The following FLVCR1 variants were observed in gnomAD, a reference collection of about 807,000 sequenced individuals.
FLVCR1 encodes FLVCR choline and heme transporter 1.
In FLVCR1, 34 loss-of-function variants were observed where a neutral mutation model predicts 53.6. That is an observed-to-expected ratio of 0.63 (90% CI 0.48 to 0.84). The LOEUF (loss-of-function observed/expected upper bound fraction) is 0.84. Ranked by LOEUF, FLVCR1 falls within the 40% of genes least tolerant of loss-of-function variation. FLVCR1 has a pLI of 0.00. For missense variants in FLVCR1, 677 were observed against 696.7 expected (o/e 0.97, Z 0.32); for synonymous variants, 300 against 286.3 (o/e 1.05, Z -0.48).
chr1:212,888,115 C>G, intron 6 of FLVCR1, 114 bp downstream of exon 6: 2 of 697,978 alleles, frequency 2.9e-6, no homozygotes, highest in Admixed American at 2.5e-5. Flanking sequence ...ATATTTTAAA[C>G]TTTAAAGGAT....
At chr1:212,878,130 C>T (rs1028075074) in intron 3 of FLVCR1, among the ~76,000 whole-genome samples, 2 of 151,972 alleles carry the variant, frequency 1.3e-5, no homozygotes, top group Admixed American at 6.6e-5. Flanking sequence ...CATTAGAGAC[C>T]GTATGTCCTA....
intron 8 of FLVCR1, among the ~76,000 whole-genome samples, chr1:212,892,892 A>T (rs184017276): frequency 1.2e-3 from 186 of 152,238 alleles, no homozygotes; most frequent in Middle Eastern, 3.4e-3. Context: ...GAGGAAGTTA[A>T]TTCCCATTCT....
At chr1:212,886,039 G>GTTTTTTTTTTTTTTTTTTTTTTT (rs1477656980) in intron 5 of FLVCR1, among the ~76,000 whole-genome samples, 1 of 66,306 alleles carries the variant, frequency 1.5e-5, no homozygotes, top group African/African-American at 5.7e-5. Context: ...ACTTTATCTT[G>GTTTTTTTTTTTTTTTTTTTTTTT]TTCTTTTTTT....
chr1:212,891,656 G>C (rs1455953869), intron 8 of FLVCR1, among the ~76,000 whole-genome samples: 1 of 152,034 alleles, frequency 6.6e-6, no homozygotes, highest in Non-Finnish European at 1.5e-5. Flanking sequence ...ATTGAAATCA[G>C]GGCCCTGATT....
intron 4 of FLVCR1, among the ~76,000 whole-genome samples, chr1:212,884,944 T>G (rs948587002): frequency 5.9e-5 from 9 of 152,236 alleles, no homozygotes; most frequent in African/African-American, 2.2e-4. Flanking sequence ...AGGATCATAC[T>G]GTATATATGA....
rs1468250554 is a variant in FLVCR1 at position 212,897,781 on chromosome 1, A to G, written c.*2491A>G. On this transcript the variant is annotated 3_prime_UTR_variant, in exon 10 of 10. Transcript: ENST00000366971. ...TGAAAACTCACTCATTACTGCAAGG[A>G]CAGCACCAAGCCATGAGGGATCCAC... is the stretch of plus-strand genomic sequence containing the variant. 1 of 152,216 alleles carries G rather than the reference A, an allele frequency of 6.6e-6. No individual in the cohort carries two copies. Among genetic ancestry groups the G allele is most frequent in the East Asian group, 1.9e-4 (1 of 5,200 alleles). The allele number at this position is 152,216 out of a possible 1,614,324, so 9.4% of individuals were successfully genotyped here.
At chr1:212,873,697 T>C (rs1335545385) in intron 3 of FLVCR1, among the ~76,000 whole-genome samples, 1 of 152,252 alleles carries the variant, frequency 6.6e-6, no homozygotes, top group East Asian at 1.9e-4. Flanking sequence ...ACCATTTACA[T>C]GAACACCAGC....
rs1440383588 is a variant in FLVCR1, at chr1:212,858,467, C to T, written c.15C>T (p.Asp5=). 21 of 1,439,950 alleles carry T rather than the reference C, an allele frequency of 1.5e-5. No individual in the cohort carries two copies. In the East Asian group the frequency reaches 5.0e-4, roughly 34 times the overall value. The allele number at this position is 1,439,950 out of a possible 1,614,324, so 89.2% of individuals were successfully genotyped here. The change falls in exon 1 of 10, where the codon GAC becomes GAT. Residue 5 remains aspartate (D), a synonymous_variant. Transcript: ENST00000366971. MARP[D]DEEGAAVAPG... is the part of the protein sequence containing the mutation. ...GAGCCTGGGATATGGCGCGGCCAGA[C>T]GATGAGGAGGGGGCGGCGGTGGCGC...
At chr1:212,888,783 C>T (rs1231939100) in intron 7 of FLVCR1, among the ~76,000 whole-genome samples, 189 bp downstream of exon 7, 4 of 152,144 alleles carry the variant, frequency 2.6e-5, no homozygotes, top group Admixed American at 6.5e-5. Flanking sequence ...CTCCTAGGCT[C>T]AAGCAATCCT....
intron 3 of FLVCR1, 42 bp from the exon 4 acceptor site, chr1:212,883,329 G>A: frequency 9.6e-7 from 1 of 1,042,002 alleles, no homozygotes. Context: ...CTTTATTATT[G>A]TAGGTATCAT....
At chr1:212,861,210 C>G (rs2102531885) in intron 1 of FLVCR1, among the ~76,000 whole-genome samples, 1 of 152,312 alleles carries the variant, frequency 6.6e-6, no homozygotes, top group Middle Eastern at 3.4e-3. Flanking sequence ...CTGCTCTGTG[C>G]AGAACTATGC....
intron 2 of FLVCR1, among the ~76,000 whole-genome samples, chr1:212,866,284 C>A (rs1014920102): frequency 1.3e-5 from 2 of 152,004 alleles, no homozygotes; most frequent in African/African-American, 2.4e-5. Context: ...CGAGCCCGGC[C>A]TTTTTTGTGT....
chr1:212,889,792 G>A (rs1665145783), intron 8 of FLVCR1, among the ~76,000 whole-genome samples: 1 of 151,624 alleles, frequency 6.6e-6, no homozygotes, highest in East Asian at 1.9e-4. Context: ...AAGACCTGGA[G>A]TTGGGAAGAC....
chr1:212,873,034 T>C (rs1664648894), intron 3 of FLVCR1, among the ~76,000 whole-genome samples: 1 of 152,178 alleles, frequency 6.6e-6, no homozygotes, highest in Non-Finnish European at 1.5e-5. Context: ...TGGCCAGGCA[T>C]GATGGCTCAT....
At chr1:212,878,895 A>G (rs1296953609) in intron 3 of FLVCR1, among the ~76,000 whole-genome samples, 1 of 152,026 alleles carries the variant, frequency 6.6e-6, no homozygotes, top group Non-Finnish European at 1.5e-5. Flanking sequence ...GGGCTGAGAT[A>G]GGAGGATTGC....
rs1220349437 is a variant in FLVCR1, at chr1:212,858,627, G to T, written c.175G>T (p.Ala59Ser). The change falls in exon 1 of 10, where the codon GCC becomes TCC. Residue 59 changes from alanine (A) to serine (S), a missense_variant. By Grantham distance (99) the Ala-to-Ser change is moderately conservative (BLOSUM62 1). Transcript: ENST00000366971. ...TGGGGCCCCCCGGGACAGCCTCGCT[G>T]CCGCCTCGGGAGTTCTGGGCGGGCC... ...VNGAPRDSLAAASGVLGGPQT... is the reference protein window; with the variant it reads ...VNGAPRDSLASASGVLGGPQT... 2 of 1,532,032 alleles carry T rather than the reference G, an allele frequency of 1.3e-6. No homozygotes were observed. The highest frequency in any genetic ancestry group is 2.5e-5 in the East Asian group (1 of 40,670). 94.9% of individuals were successfully genotyped at this position (1,532,032 alleles called of 1,614,324 possible).
In FLVCR1 at chr1:212,858,539, GC is replaced by G. The variant is rs34019267; in HGVS notation, c.90del (p.Val31LeufsTer19). On this transcript the variant is annotated frameshift_variant, in exon 1 of 10. Transcript: ENST00000366971. LOFTEE classifies it high-confidence loss of function. The stretch of plus-strand genomic sequence containing the variant: ...GATACCTCCCGTTGCCGAGGGGCGC[GC>G]CCGTTGGGAAGGAGAGCGTGGAGCT... ...KGYLPLPRGA[P>X]VGKESVELQN... The G allele has an allele frequency of 6.8e-7, 1 of 1,463,418 alleles. No homozygotes were observed. The allele number at this position is 1,463,418 out of a possible 1,614,324, so 90.7% of individuals were successfully genotyped here.
At chr1:212,885,472 C>A (rs41300947) in intron 5 of FLVCR1, 76 bp downstream of exon 5, 7 of 1,047,486 alleles carry the variant, frequency 6.7e-6, no homozygotes, top group East Asian at 6.2e-5. Context: ...CTTTTTATTT[C>A]AAGAAATTTA....
At chr1:212,885,419 A>C (rs775139493) in intron 5 of FLVCR1, 23 bp downstream of exon 5, 1 of 1,516,106 alleles carries the variant, frequency 6.6e-7, no homozygotes, top group Non-Finnish European at 9.2e-7. Flanking sequence ...AAATACATGT[A>C]TGGTGTATAA....
Sources: gnomAD v4.1 joint callset for allele counts (sites outside exome capture counted in the v4.1 genomes callset) on GRCh38, gnomAD v4.1.1 for gene constraint, MANE v1.5 for transcripts, NCBI Gene and HGNC (gene_info 2026-07-23, HGNC 2026-07-21) for gene names.